Variants in NBAS observed in about 807,000 individuals in gnomAD.
NBAS encodes NAG/BC035112 fusion.
A neutral mutation model predicts 302.5 loss-of-function variants in NBAS; 219 were observed. The ratio of observed to expected loss-of-function variants is 0.72; its 90% CI spans 0.65 to 0.81. The LOEUF is 0.81. NBAS is among the 30% of genes least tolerant of loss of function. The pLI, the probability that NBAS is intolerant of heterozygous loss-of-function variation, is 0.00. For missense variants in NBAS, 2,932 were observed against 2,841.6 expected (o/e 1.03, Z -0.72); for synonymous variants, 1,118 against 1,021.6 (o/e 1.09, Z -1.80).
chr2:15,498,364 T>TA (rs563998162), intron 11 of NBAS, among the ~76,000 whole-genome samples: 4 of 151,926 alleles, frequency 2.6e-5, no homozygotes, highest in South Asian at 2.1e-4. Context: ...TTTATCCCAA[T>TA]AAAAAAAATA....
intron 21 of NBAS, among the ~76,000 whole-genome samples, chr2:15,431,186 C>T (rs778931464): frequency 3.9e-5 from 6 of 152,116 alleles, no homozygotes; most frequent in Non-Finnish European, 7.4e-5. Context: ...TCAAAAGATA[C>T]ATTTAAACTA....
the NBAS span, among the ~76,000 whole-genome samples, chr2:14,982,153 G>C: frequency 6.6e-6 from 1 of 152,156 alleles, no homozygotes; most frequent in Non-Finnish European, 1.5e-5. Context: ...CACATGGAGA[G>C]GCCATGCATA....
At chr2:14,837,257 A>T in the NBAS span, among the ~76,000 whole-genome samples, 1 of 151,872 alleles carries the variant, frequency 6.6e-6, no homozygotes, top group Non-Finnish European at 1.5e-5. Context: ...TTTGTAGTAG[A>T]TGCCTATGCA....
chr2:15,452,892 G>A (rs931704706), intron 21 of NBAS, among the ~76,000 whole-genome samples: 14 of 152,268 alleles, frequency 9.2e-5, no homozygotes, highest in African/African-American at 3.4e-4. Flanking sequence ...TCATCCAACA[G>A]TCATTAACCA....
At chr2:14,907,214 GT>G in the NBAS span, among the ~76,000 whole-genome samples, 2 of 152,158 alleles carry the variant, frequency 1.3e-5, no homozygotes, top group African/African-American at 4.8e-5. Context: ...TGCAATTGCA[GT>G]CCCCAGCTGT....
At chr2:15,059,508 C>A in the NBAS span, among the ~76,000 whole-genome samples, 4 of 152,160 alleles carry the variant, frequency 2.6e-5, no homozygotes, top group Non-Finnish European at 4.4e-5. Flanking sequence ...TGAGGCCTAT[C>A]AGGAAATAAG....
At chr2:15,193,548 C>T (rs1270382636) in intron 48 of NBAS, among the ~76,000 whole-genome samples, 1 of 151,952 alleles carries the variant, frequency 6.6e-6, no homozygotes, top group Non-Finnish European at 1.5e-5. Context: ...ATCTAAAAAA[C>T]GAATGTTAAT....
the NBAS span, among the ~76,000 whole-genome samples, chr2:14,952,594 C>T: frequency 6.6e-5 from 10 of 152,322 alleles, no homozygotes; most frequent in African/African-American, 2.2e-4. Flanking sequence ...GTTCATTCGG[C>T]CAGCCTGTTT....
the NBAS span, among the ~76,000 whole-genome samples, chr2:14,947,571 T>C: frequency 3.3e-5 from 5 of 152,084 alleles, no homozygotes; most frequent in African/African-American, 9.6e-5. Context: ...TAAGAGCATG[T>C]CACCTGTAAA....
intron 44 of NBAS, among the ~76,000 whole-genome samples, chr2:15,266,290 G>T (rs368894968): frequency 6.6e-6 from 1 of 152,164 alleles, no homozygotes; most frequent in Non-Finnish European, 1.5e-5. Flanking sequence ...GAATACAGCA[G>T]ACATTGTTAA....
intron 42 of NBAS, among the ~76,000 whole-genome samples, chr2:15,284,160 G>GAAA (rs745972085): frequency 5.1e-5 from 6 of 116,596 alleles, no homozygotes; most frequent in Middle Eastern, 4.0e-3. Flanking sequence ...GCGGGAAATG[G>GAAA]AAAAAAAAAA....
chr2:15,396,369 C>T, intron 27 of NBAS, 44 bp downstream of exon 27: 3 of 1,480,612 alleles, frequency 2.0e-6, no homozygotes, highest in Non-Finnish European at 2.8e-6. Context: ...GGACAAATTC[C>T]CTTAATAAGC....
chr2:14,930,015 A>G, the NBAS span, among the ~76,000 whole-genome samples: 12 of 152,192 alleles, frequency 7.9e-5, no homozygotes, highest in African/African-American at 2.9e-4. Context: ...CACCATGGTA[A>G]GATGTGCTTT....
chr2:14,802,856 A>C, the NBAS span, among the ~76,000 whole-genome samples: 1 of 124,980 alleles, frequency 8.0e-6, no homozygotes, highest in Non-Finnish European at 1.6e-5. Flanking sequence ...ACATGGACAC[A>C]GGAAGGGGAA....
the NBAS span, among the ~76,000 whole-genome samples, chr2:15,056,590 C>G: frequency 6.6e-6 from 1 of 152,154 alleles, no homozygotes; most frequent in Non-Finnish European, 1.5e-5. Flanking sequence ...GCTATGCACA[C>G]ATGAGACACT....
the NBAS span, among the ~76,000 whole-genome samples, chr2:14,921,863 C>T: frequency 6.6e-6 from 1 of 152,158 alleles, no homozygotes; most frequent in Non-Finnish European, 1.5e-5. Context: ...CTTGTCTTTG[C>T]TTTAATGACA....
intron 35 of NBAS, among the ~76,000 whole-genome samples, chr2:15,350,862 A>C (rs1269121240): frequency 6.6e-6 from 1 of 152,230 alleles, no homozygotes; most frequent in African/African-American, 2.4e-5. Flanking sequence ...CCTGGATTGG[A>C]GTAACTAGCA....
At chr2:15,497,013 G>C (rs1681097747) in intron 11 of NBAS, among the ~76,000 whole-genome samples, 1 of 151,616 alleles carries the variant, frequency 6.6e-6, no homozygotes, top group Admixed American at 6.6e-5. Context: ...TAATTAATGA[G>C]GACAAATAAG....
chr2:14,786,005 T>C, the NBAS span, among the ~76,000 whole-genome samples: 1 of 152,194 alleles, frequency 6.6e-6, no homozygotes, highest in African/African-American at 2.4e-5. Flanking sequence ...CAGAGCCTGT[T>C]ATTGGTCTAT....
Sources: gnomAD v4.1 joint callset for allele counts (sites outside exome capture counted in the v4.1 genomes callset) on GRCh38, gnomAD v4.1.1 for gene constraint, MANE v1.5 for transcripts, NCBI Gene and HGNC (gene_info 2026-07-23, HGNC 2026-07-21) for gene names.